Variants in LUC7L3 observed in about 807,000 individuals in gnomAD.
LUC7L3 encodes luc7-like protein 3.
In LUC7L3, 6 loss-of-function variants were observed where a neutral mutation model predicts 66.8. The ratio of observed to expected loss-of-function variants is 0.09; its 90% CI spans 0.05 to 0.18. LUC7L3 has a LOEUF of 0.18. LUC7L3 is among the 10% of genes least tolerant of loss of function. LUC7L3 has a pLI of 1.00. For missense variants in LUC7L3, 341 were observed against 531.1 expected (o/e 0.64, Z 3.52); for synonymous variants, 160 against 174.7 (o/e 0.92, Z 0.66).
At chr17:50,724,094 C>A in intron 1 of LUC7L3, 1 of 339,660 alleles carries the variant, frequency 2.9e-6, no homozygotes, top group Non-Finnish European at 6.0e-6. Context: ...CCCCATGTAC[C>A]CATGCCCAAT....
intron 2 of LUC7L3, chr17:50,737,300 A>T (rs1216273604): frequency 3.7e-6 from 2 of 547,384 alleles, no homozygotes; most frequent in South Asian, 3.1e-5. Context: ...TATTTGGAAG[A>T]GGAGATAACA....
chr17:50,726,471 C>T (rs969132503), intron 1 of LUC7L3, among the ~76,000 whole-genome samples: 1 of 152,102 alleles, frequency 6.6e-6, no homozygotes, highest in Non-Finnish European at 1.5e-5. Context: ...AGCGCCTGGC[C>T]TATGTACAAT....
chr17:50,744,036 G>A (rs1304164127), intron 6 of LUC7L3, among the ~76,000 whole-genome samples: 2 of 152,188 alleles, frequency 1.3e-5, no homozygotes, highest in Non-Finnish European at 1.5e-5. Context: ...TAAAATGTTA[G>A]CAAAAGGCCT....
rs9904353 is a variant in LUC7L3 at position 50,754,750 on chromosome 17, C to T, written c.*4089C>T. ...AATAACCTAGTCATATTGCTCAGCT[C>T]AGATATTTTTACTCCCTCTCCTTAG... On this transcript the variant is annotated 3_prime_UTR_variant, in exon 10 of 10. Coordinates refer to ENST00000505658, the MANE Select transcript of LUC7L3 (RefSeq NM_016424.5). The T allele has an allele frequency of 3.4e-4, 51 of 152,086 alleles. No individual in the cohort carries two copies. The highest frequency in any genetic ancestry group is 1.2e-3 in the African/African-American group (49 of 41,398). The allele number at this position is 152,086 out of a possible 1,614,324, so 9.4% of individuals were successfully genotyped here.
intron 1 of LUC7L3, among the ~76,000 whole-genome samples, chr17:50,735,726 G>T (rs1342446707): frequency 6.6e-6 from 1 of 152,176 alleles, no homozygotes; most frequent in East Asian, 1.9e-4. Context: ...TCAAATTCCT[G>T]GGCTAAAGTT....
intron 1 of LUC7L3, among the ~76,000 whole-genome samples, chr17:50,734,984 A>T (rs539199434): frequency 1.3e-5 from 2 of 152,172 alleles, no homozygotes; most frequent in African/African-American, 4.8e-5. Flanking sequence ...TAATCCTAGC[A>T]CTTTCGGAGG....
At chr17:50,720,672 A>AT (rs1417462316) in intron 1 of LUC7L3, among the ~76,000 whole-genome samples, 1 of 152,220 alleles carries the variant, frequency 6.6e-6, no homozygotes, top group African/African-American at 2.4e-5. Flanking sequence ...ACAGAATTTA[A>AT]TTTTACTTTG....
intron 1 of LUC7L3, among the ~76,000 whole-genome samples, chr17:50,731,475 G>C (rs1454734021): frequency 1.3e-5 from 2 of 152,140 alleles, no homozygotes; most frequent in Non-Finnish European, 2.9e-5. Flanking sequence ...GCCTCTCTGG[G>C]TTTGTTCTTA....
intron 1 of LUC7L3, among the ~76,000 whole-genome samples, chr17:50,736,137 A>G (rs1969971683): frequency 6.6e-6 from 1 of 152,194 alleles, no homozygotes; most frequent in Non-Finnish European, 1.5e-5. Context: ...ACTCTGTTTC[A>G]AAAAAATATA....
In LUC7L3 at chr17:50,746,644, A is replaced by G. The variant is rs200539321; in HGVS notation, c.1080A>G (p.Ser360=). 1 of 1,614,170 alleles carries G rather than the reference A, an allele frequency of 6.2e-7. No individual in the cohort carries two copies. Among genetic ancestry groups the G allele is most frequent in the South Asian group, 1.1e-5 (1 of 91,084 alleles). ...RRRSKSRDRK[S]YKHRSKSRDR... Reference sequence around the variant, plus strand: ...GATCAAAAAGCCGGGATCGAAAGTCATATAAGCACAGGAGCAAAAGTCGGG... The same window carrying G: ...GATCAAAAAGCCGGGATCGAAAGTCGTATAAGCACAGGAGCAAAAGTCGGG... The change falls in exon 9 of 10, where the codon TCA becomes TCG. Residue 360 remains serine, a synonymous_variant. Coordinates refer to ENST00000505658, the MANE Select transcript of LUC7L3 (RefSeq NM_016424.5).
intron 6 of LUC7L3, 73 bp downstream of exon 6, chr17:50,743,883 C>A: frequency 1.8e-6 from 2 of 1,102,026 alleles, no homozygotes; most frequent in Non-Finnish European, 2.7e-6. Context: ...TATTTGAGAA[C>A]CTTTGAAAAC....
chr17:50,733,800 A>C (rs1382096354), intron 1 of LUC7L3, among the ~76,000 whole-genome samples: 1 of 152,230 alleles, frequency 6.6e-6, no homozygotes, highest in Non-Finnish European at 1.5e-5. Flanking sequence ...AGATTCTGGC[A>C]ATAACTTTTA....
At chr17:50,721,040 C>A (rs1968713165) in intron 1 of LUC7L3, among the ~76,000 whole-genome samples, 1 of 151,878 alleles carries the variant, frequency 6.6e-6, no homozygotes, top group Admixed American at 6.6e-5. Flanking sequence ...GACTAAGGAA[C>A]TGCTTACCTT....
chr17:50,737,913 TC>T (rs1970082953), intron 2 of LUC7L3, among the ~76,000 whole-genome samples: 1 of 152,192 alleles, frequency 6.6e-6, no homozygotes, highest in Non-Finnish European at 1.5e-5. Flanking sequence ...CCAGGATCAT[TC>T]TGGATACATA....
At chr17:50,744,474 C>T (rs1970541619) in intron 6 of LUC7L3, among the ~76,000 whole-genome samples, 178 bp from the exon 7 acceptor site, 1 of 152,206 alleles carries the variant, frequency 6.6e-6, no homozygotes, top group Non-Finnish European at 1.5e-5. Context: ...AAGTTAGTTG[C>T]TGTTACCTTA....
In LUC7L3 at chr17:50,741,217, G is replaced by T; in HGVS notation, c.322G>T (p.Ala108Ser). Residue 108 changes from alanine to serine, a missense_variant, in exon 4 of 10, where the codon GCA (alanine) becomes TCA (serine). By Grantham distance (99) the Ala-to-Ser change is moderately conservative. Coordinates refer to ENST00000505658, the MANE Select transcript of LUC7L3 (RefSeq NM_016424.5). ...RRIRRGHARL[A>S]LSQNQQSSGA... Reference sequence around the variant, plus strand: ...GATCAGACGAGGCCATGCTCGTTTGGCATTATCTCAAAACCAGCAGTCTTC... The same window carrying T: ...GATCAGACGAGGCCATGCTCGTTTGTCATTATCTCAAAACCAGCAGTCTTC... 1 of 1,614,162 alleles carries T rather than the reference G, an allele frequency of 6.2e-7. No individual in the cohort carries two copies.
intron 1 of LUC7L3, among the ~76,000 whole-genome samples, chr17:50,733,436 C>G: frequency 1.4e-5 from 2 of 142,268 alleles, no homozygotes; most frequent in Non-Finnish European, 3.0e-5. Flanking sequence ...GAGTCTCCCT[C>G]TGTCGCCCAG....
At chr17:50,742,422 G>T (rs969438661) in intron 5 of LUC7L3, among the ~76,000 whole-genome samples, 1 of 151,972 alleles carries the variant, frequency 6.6e-6, no homozygotes, top group Non-Finnish European at 1.5e-5. Flanking sequence ...GCAGTGGTGC[G>T]ATCTCAGCTC....
rs932189625 is a variant in LUC7L3, at chr17:50,752,961, A to C, written c.*2300A>C. 6.6e-6 allele frequency: 1 copy of C among 152,202 alleles called. No homozygotes were observed. Among genetic ancestry groups the C allele is most frequent in the African/African-American group, 2.4e-5 (1 of 41,460 alleles). 9.4% of individuals were successfully genotyped at this position (152,202 alleles called of 1,614,324 possible). ...GTAGAAAATTCCAAGTATCCTGACA[A>C]GCACTCTTTAGCTGGCTAGCTATGG... On this transcript the variant is annotated 3_prime_UTR_variant, in exon 10 of 10. Transcript: ENST00000505658.
Sources: allele counts gnomAD v4.1 joint callset (sites outside exome capture counted in the v4.1 genomes callset), GRCh38; gene constraint gnomAD v4.1.1; transcripts MANE v1.5; gene names NCBI Gene and HGNC (gene_info 2026-07-23, HGNC 2026-07-21).